Variants in ANXA4 observed in about 807,000 individuals in gnomAD.
The protein encoded by ANXA4 is annexin A4.
A neutral mutation model predicts 49.8 loss-of-function variants in ANXA4; 39 were observed. That is an observed-to-expected ratio of 0.78 (90% CI 0.61 to 1.02). The LOEUF (loss-of-function observed/expected upper bound fraction) is 1.02. ANXA4 is among the 50% of genes least tolerant of loss of function. The probability of loss-of-function intolerance (pLI) is 0.00; values close to 1 mark genes in which losing one functional copy is unlikely to be tolerated. For synonymous variants in ANXA4, 134 were observed against 152.5 expected (o/e 0.88, Z 0.89); for missense variants, 360 against 410.1 (o/e 0.88, Z 1.05).
intron 1 of ANXA4, among the ~76,000 whole-genome samples, chr2:69,752,059 C>G (rs1670864760): frequency 6.6e-6 from 1 of 152,090 alleles, no homozygotes; most frequent in Non-Finnish European, 1.5e-5. Context: ...CATTAGTGGT[C>G]ACAGAAGGCT....
At chr2:69,709,859 C>A (rs1247243182) in intron 2 of ANXA4, among the ~76,000 whole-genome samples, 1 of 152,196 alleles carries the variant, frequency 6.6e-6, no homozygotes, top group African/African-American at 2.4e-5. Context: ...ATGACACTTT[C>A]CCCCTTTTTA....
chr2:69,783,318 C>T (rs536479276), intron 2 of ANXA4, among the ~76,000 whole-genome samples: 10 of 152,160 alleles, frequency 6.6e-5, no homozygotes, highest in African/African-American at 2.2e-4. Context: ...TAGGTTTAAG[C>T]GGTTCCCCTG....
chr2:69,649,603 C>CTTTTTTTTTTTTTTTTTTTTTTT (rs766975640), intron 1 of ANXA4, among the ~76,000 whole-genome samples: 1 of 70,670 alleles, frequency 1.4e-5, no homozygotes. Context: ...GATTTTCTTT[C>CTTTTTTTTTTTTTTTTTTTTTTT]TTTTTTTTTT....
At chr2:69,718,764 TACACACACATTC>T (rs1185022652) in intron 2 of ANXA4, among the ~76,000 whole-genome samples, 7 of 146,440 alleles carry the variant, frequency 4.8e-5, no homozygotes, top group African/African-American at 1.9e-4. Flanking sequence ...TACACACACA[TACACACACATTC>T]ACACACATGC....
At chr2:69,741,988 G>T (rs551496000), upstream of ANXA4, 1 of 152,434 alleles carries the variant, frequency 6.6e-6, no homozygotes, top group African/African-American at 2.4e-5. Context: ...GGCCGTCCCG[G>T]CCCGGGGCCC....
chr2:69,670,680 G>T (rs1215197921), intron 2 of ANXA4, among the ~76,000 whole-genome samples: 1 of 151,884 alleles, frequency 6.6e-6, no homozygotes, highest in Non-Finnish European at 1.5e-5. Flanking sequence ...GGAAAATTTG[G>T]TTATCTACGG....
chr2:69,702,200 G>A (rs1327087822), intron 2 of ANXA4, among the ~76,000 whole-genome samples: 1 of 151,810 alleles, frequency 6.6e-6, no homozygotes, highest in African/African-American at 2.4e-5. Flanking sequence ...TTTTAGTAGA[G>A]ATAGGTTTTG....
chr2:69,657,921 A>G (rs1428904986), intron 2 of ANXA4, among the ~76,000 whole-genome samples: 1 of 152,222 alleles, frequency 6.6e-6, no homozygotes, highest in Non-Finnish European at 1.5e-5. Context: ...AGATATAAGC[A>G]TTGGGGAAAC....
intron 2 of ANXA4, among the ~76,000 whole-genome samples, chr2:69,711,790 A>C (rs1678685629): frequency 6.6e-6 from 1 of 152,008 alleles, no homozygotes. Flanking sequence ...TCAGAAAGAG[A>C]AATAGGACTT....
intron 3 of ANXA4, among the ~76,000 whole-genome samples, chr2:69,798,228 T>C (rs1434414998): frequency 1.3e-5 from 2 of 152,286 alleles, no homozygotes; most frequent in Non-Finnish European, 2.9e-5. Context: ...GGAATTCCCC[T>C]GTCTGTAAAA....
chr2:69,813,842 C>A (rs1673822389), intron 8 of ANXA4, among the ~76,000 whole-genome samples: 1 of 151,066 alleles, frequency 6.6e-6, no homozygotes, highest in Middle Eastern at 3.4e-3. Flanking sequence ...ACCGCAACCT[C>A]CCCCTCCCAG....
In ANXA4 at chr2:69,818,936, G is replaced by C. The variant is rs551958029; in HGVS notation, c.724+242G>C. Among the ~76,000 whole-genome samples, 7 of 152,278 alleles carry C rather than the reference G, an allele frequency of 4.6e-5. No individual in the cohort carries two copies. In the East Asian group the frequency reaches 1.3e-3, roughly 29 times the overall value. On this transcript the variant is annotated intron_variant, in intron 10 of 12. Transcript: ENST00000394295. Reference sequence around the variant, plus strand: ...TATGTCCTATGTGAAAGGTAATAATGTGCAGATATACAGGCTGCAGCTTGC... The same window carrying C: ...TATGTCCTATGTGAAAGGTAATAATCTGCAGATATACAGGCTGCAGCTTGC...
chr2:69,670,268 C>T (rs1677120646), intron 2 of ANXA4, among the ~76,000 whole-genome samples: 1 of 151,692 alleles, frequency 6.6e-6, no homozygotes. Context: ...GGTGAAACCC[C>T]ATCTCTACTA....
chr2:69,743,228 T>G (rs1223183224), intron 1 of ANXA4, among the ~76,000 whole-genome samples: 1 of 152,122 alleles, frequency 6.6e-6, no homozygotes, highest in Admixed American at 6.6e-5. Context: ...CCCTAGATTT[T>G]TTTTTTTGAG....
upstream of ANXA4, among the ~76,000 whole-genome samples, chr2:69,737,669 T>C (rs188409261): frequency 3.1e-3 from 466 of 152,156 alleles, 5 homozygotes; most frequent in Admixed American, 8.8e-3. Context: ...TGTTCACAGG[T>C]GTGGTCATAG....
chr2:69,730,878 C>T (rs1465258685), intron 3 of ANXA4, among the ~76,000 whole-genome samples: 1 of 152,178 alleles, frequency 6.6e-6, no homozygotes, highest in African/African-American at 2.4e-5. Context: ...GGAGGCACTA[C>T]TAATGTCATA....
intron 2 of ANXA4, among the ~76,000 whole-genome samples, chr2:69,687,713 G>A (rs1437931579): frequency 6.6e-6 from 1 of 152,050 alleles, no homozygotes. Flanking sequence ...CTGACTACCT[G>A]ATTTTTGATC....
intron 2 of ANXA4, among the ~76,000 whole-genome samples, chr2:69,695,183 C>T (rs1045297474): frequency 1.3e-5 from 2 of 152,044 alleles, no homozygotes; most frequent in Non-Finnish European, 2.9e-5. Flanking sequence ...ATTCCAGGAA[C>T]ATATTTAATG....
chr2:69,666,200 A>G (rs1163461427), intron 2 of ANXA4, among the ~76,000 whole-genome samples: 2 of 152,346 alleles, frequency 1.3e-5, no homozygotes, highest in East Asian at 1.9e-4. Flanking sequence ...GTATTTCTGC[A>G]AAGAAGGTAC....
Sources: allele counts gnomAD v4.1 joint callset (sites outside exome capture counted in the v4.1 genomes callset), GRCh38; gene constraint gnomAD v4.1.1; transcripts MANE v1.5; gene names NCBI Gene and HGNC (gene_info 2026-07-23, HGNC 2026-07-21).